Variants in TBC1D5 observed in about 807,000 individuals in gnomAD.
TBC1D5 encodes the protein TBC1 domain family, member 5.
TBC1D5 carries 75 observed loss-of-function variants against 100.3 expected under a neutral mutation model. The ratio of observed to expected loss-of-function variants is 0.75; its 90% CI spans 0.62 to 0.91. The LOEUF (loss-of-function observed/expected upper bound fraction) is 0.91. TBC1D5 is among the 40% of genes least tolerant of loss of function. The pLI, the probability that TBC1D5 is intolerant of heterozygous loss-of-function variation, is 0.00. For missense variants in TBC1D5, 910 were observed against 942.4 expected (o/e 0.97, Z 0.45); for synonymous variants, 323 against 325.6 (o/e 0.99, Z 0.09).
At chr3:17,553,736 T>C (rs181529647) in intron 2 of TBC1D5, among the ~76,000 whole-genome samples, 1 of 152,358 alleles carries the variant, frequency 6.6e-6, no homozygotes, top group East Asian at 1.9e-4. Flanking sequence ...GGAAGTATTC[T>C]GTAATTTTAG....
chr3:17,671,218 A>T lies in TBC1D5; in HGVS notation c.-100-47305T>A, dbSNP rs548549070. Among the ~76,000 whole-genome samples the T allele has an allele frequency of 9.2e-5, 14 of 152,372 alleles. 1 individual carries two copies. The South Asian group carries it at 2.9e-3, about 32-fold the overall frequency. The stretch of plus-strand genomic sequence containing the variant: ...GTAAAGGCAAACATGTCAATCAAAG[A>T]TGTACAATACAGATGCAGAAGGACT... On this transcript the variant is annotated intron_variant, in intron 1 of 21. Transcript: ENST00000253692.
At chr3:17,741,966 A>G (rs2077488305), upstream of TBC1D5, among the ~76,000 whole-genome samples, 1 of 152,070 alleles carries the variant, frequency 6.6e-6, no homozygotes, top group African/African-American at 2.4e-5. Flanking sequence ...TTGAGGATTC[A>G]GGGCCCGTTT....
intron 3 of TBC1D5, among the ~76,000 whole-genome samples, chr3:17,434,461 T>C (rs2094499715): frequency 1.3e-5 from 2 of 152,234 alleles, no homozygotes; most frequent in Non-Finnish European, 2.9e-5. Flanking sequence ...AGCTGTACAC[T>C]GGATTCTTTT....
intron 14 of TBC1D5, among the ~76,000 whole-genome samples, chr3:17,301,539 G>A (rs914758515): frequency 6.6e-6 from 1 of 152,170 alleles, no homozygotes; most frequent in African/African-American, 2.4e-5. Flanking sequence ...GATGCTTTTA[G>A]AGATATGAAA....
At chr3:17,456,773 A>C (rs1447236321) in intron 3 of TBC1D5, among the ~76,000 whole-genome samples, 1 of 152,186 alleles carries the variant, frequency 6.6e-6, no homozygotes, top group East Asian at 1.9e-4. Context: ...GTGAGTAAAA[A>C]AATGTGGTAT....
intron 1 of TBC1D5, among the ~76,000 whole-genome samples, chr3:17,672,024 T>C (rs13083917): frequency 1.3e-5 from 2 of 152,054 alleles, no homozygotes; most frequent in Non-Finnish European, 2.9e-5. Flanking sequence ...TAGTCTAACA[T>C]TCGGCATTCT....
rs546099151 is a variant in TBC1D5 at position 17,689,532 on chromosome 3, A to G, written c.-101+49811T>C. On this transcript the variant is annotated intron_variant, in intron 1 of 21. Transcript: ENST00000253692. The stretch of plus-strand genomic sequence containing the variant: ...AGACCCTGTCTCAAAAAAAAAAAAA[A>G]AAAAGAAAAGAAAAAGAGAAAAAAG... Among the ~76,000 whole-genome samples the G allele has an allele frequency of 5.3e-4, 80 of 151,878 alleles. 1 individual carries two copies. Among genetic ancestry groups the G allele is most frequent in the South Asian group, 3.3e-3 (16 of 4,816 alleles).
chr3:17,659,359 C>T (rs1282088580), intron 1 of TBC1D5, among the ~76,000 whole-genome samples: 1 of 151,586 alleles, frequency 6.6e-6, no homozygotes, highest in African/African-American at 2.4e-5. Flanking sequence ...AAGATCTAAC[C>T]AGAATAAGAA....
intron 3 of TBC1D5, among the ~76,000 whole-genome samples, chr3:17,503,456 A>C (rs2095808346): frequency 6.7e-6 from 1 of 149,602 alleles, no homozygotes; most frequent in Non-Finnish European, 1.5e-5. Context: ...GCTACTAGTC[A>C]TAAACACCAT....
At chr3:17,658,935 G>A (rs2066380171) in intron 1 of TBC1D5, among the ~76,000 whole-genome samples, 1 of 152,194 alleles carries the variant, frequency 6.6e-6, no homozygotes, top group Non-Finnish European at 1.5e-5. Flanking sequence ...TGGGATTACA[G>A]GTGTGAGTCA....
intron 16 of TBC1D5, among the ~76,000 whole-genome samples, chr3:17,247,399 T>C (rs568651042): frequency 1.3e-5 from 2 of 152,320 alleles, no homozygotes; most frequent in East Asian, 3.9e-4. Context: ...CTGCAGTCTA[T>C]TCAGTGTGCA....
chr3:17,284,089 T>TACACACACACACAC (rs58307801), intron 15 of TBC1D5, among the ~76,000 whole-genome samples: 10,550 of 132,576 alleles, frequency 0.08, 571 homozygotes, highest in Middle Eastern at 0.094. Context: ...CTCATTATTT[T>TACACACACACACAC]ACACACACAC....
rs549588120 is a variant in TBC1D5, at chr3:17,425,625, T to A, written c.167+2825A>T. Among the ~76,000 whole-genome samples, 9 of 152,180 alleles carry A rather than the reference T, an allele frequency of 5.9e-5. No individual in the cohort carries two copies. In the East Asian group the frequency reaches 1.5e-3, roughly 26 times the overall value. Reference sequence around the variant, plus strand: ...GCCTGGGTGACAGAGTGAGACCCTGTCTCAAAAAACAAACAAACAAAACCC... The same window carrying A: ...GCCTGGGTGACAGAGTGAGACCCTGACTCAAAAAACAAACAAACAAAACCC... On this transcript the variant is annotated intron_variant, in intron 4 of 21. Coordinates refer to ENST00000253692, the Ensembl canonical transcript of TBC1D5.
chr3:17,337,850 A>G (rs548595748), intron 13 of TBC1D5, among the ~76,000 whole-genome samples: 1 of 152,294 alleles, frequency 6.6e-6, no homozygotes, highest in South Asian at 2.1e-4. Flanking sequence ...CCTCTACCTA[A>G]TGAATAGTAA....
At chr3:17,222,608 C>T (rs967250801) in intron 17 of TBC1D5, among the ~76,000 whole-genome samples, 10 of 152,136 alleles carry the variant, frequency 6.6e-5, no homozygotes. Flanking sequence ...AATGAGAAAT[C>T]TGATGTCTAT....
intron 13 of TBC1D5, among the ~76,000 whole-genome samples, chr3:17,321,578 T>C (rs2085413677): frequency 6.6e-6 from 1 of 152,190 alleles, no homozygotes; most frequent in African/African-American, 2.4e-5. Context: ...AGCTTAAGAG[T>C]ATAAAGCTGA....
chr3:17,629,047 C>A (rs111907339), intron 1 of TBC1D5, among the ~76,000 whole-genome samples: 1 of 152,272 alleles, frequency 6.6e-6, no homozygotes, highest in African/African-American at 2.4e-5. Context: ...AATCTAAATG[C>A]AGATGGATTA....
upstream of TBC1D5, among the ~76,000 whole-genome samples, chr3:17,741,831 T>TC (rs2077469963): frequency 7.6e-6 from 1 of 132,026 alleles, no homozygotes; most frequent in South Asian, 2.7e-4. Flanking sequence ...TTTTTTTTTT[T>TC]GCTCTTATCC....
At chr3:17,221,009 T>C (rs897954118) in intron 17 of TBC1D5, among the ~76,000 whole-genome samples, 5 of 152,198 alleles carry the variant, frequency 3.3e-5, no homozygotes, top group African/African-American at 1.2e-4. Context: ...GTAATGACTT[T>C]TGGGATTTTC....
Sources: allele counts gnomAD v4.1 joint callset (sites outside exome capture counted in the v4.1 genomes callset), GRCh38; gene constraint gnomAD v4.1.1; transcripts MANE v1.5; gene names NCBI Gene and HGNC (gene_info 2026-07-23, HGNC 2026-07-21).